COL5A2: variants seen among roughly 807,000 people sequenced by gnomAD.
COL5A2 encodes the protein collagen type V alpha 2 chain.
Under a neutral mutation model 208.2 loss-of-function variants are expected in COL5A2, and 23 were observed. The observed-to-expected ratio is 0.11, with a 90% CI of 0.08 to 0.16. The LOEUF (loss-of-function observed/expected upper bound fraction) is 0.16. COL5A2 is among the 10% of genes least tolerant of loss of function. The pLI, the probability that COL5A2 is intolerant of heterozygous loss-of-function variation, is 1.00. For missense variants in COL5A2, 1,590 were observed against 1,956.4 expected (o/e 0.81, Z 3.53); for synonymous variants, 625 against 628.5 (o/e 0.99, Z 0.08).
intron 1 of COL5A2, among the ~76,000 whole-genome samples, chr2:189,155,335 T>C (rs1192470545): frequency 6.9e-6 from 1 of 144,372 alleles, no homozygotes; most frequent in Non-Finnish European, 1.5e-5. Flanking sequence ...TCATTTATTT[T>C]ATAGCACATA....
intron 33 of COL5A2, 109 bp from the exon 34 acceptor site, chr2:189,057,536 CT>C: frequency 1.3e-6 from 1 of 779,316 alleles, no homozygotes; most frequent in Non-Finnish European, 2.2e-6. Context: ...TGTAGTTCAA[CT>C]TAGTGCTTAT....
chr2:189,110,921 A>G (rs1213206078), intron 1 of COL5A2, among the ~76,000 whole-genome samples: 1 of 152,200 alleles, frequency 6.6e-6, no homozygotes, highest in Non-Finnish European at 1.5e-5. Context: ...CATGTACCAT[A>G]GAAAAAAACT....
intron 8 of COL5A2, 82 bp from the exon 9 acceptor site, chr2:189,086,852 G>C: frequency 8.2e-7 from 1 of 1,226,130 alleles, no homozygotes; most frequent in Non-Finnish European, 1.2e-6. Flanking sequence ...ATCATCTCTA[G>C]AATCTGGAAA....
chr2:189,205,690 A>T (rs987117217), intron 1 of COL5A2, among the ~76,000 whole-genome samples: 2 of 152,234 alleles, frequency 1.3e-5, no homozygotes, highest in African/African-American at 4.8e-5. Context: ...CCTGGCCCAT[A>T]GTAAATGTCA....
chr2:189,062,723 G>T, intron 29 of COL5A2, 142 bp downstream of exon 29: 1 of 862,212 alleles, frequency 1.2e-6, no homozygotes, highest in Non-Finnish European at 1.9e-6. Flanking sequence ...CAAAAGAGAA[G>T]GTATAACAGA....
chr2:189,335,166 CAAACAGTTGT>C, the COL5A2 span, among the ~76,000 whole-genome samples: 1 of 151,954 alleles, frequency 6.6e-6, no homozygotes, highest in South Asian at 2.1e-4. Flanking sequence ...TGAGGGTAGT[CAAACAGTTGT>C]TGAACAAAAC....
At chr2:189,316,489 C>G in the COL5A2 span, among the ~76,000 whole-genome samples, 1 of 151,374 alleles carries the variant, frequency 6.6e-6, no homozygotes, top group African/African-American at 2.4e-5. Context: ...ATCTGCATGT[C>G]CTGAAGGAAA....
At chr2:189,324,643 C>T in the COL5A2 span, among the ~76,000 whole-genome samples, 65 of 152,234 alleles carry the variant, frequency 4.3e-4, no homozygotes, top group African/African-American at 1.5e-3. Flanking sequence ...GTTAGAATGG[C>T]GATCATTAAA....
At chr2:189,190,241 T>C in intron 1 of COL5A2, among the ~76,000 whole-genome samples, 1 of 152,204 alleles carries the variant, frequency 6.6e-6, no homozygotes, top group South Asian at 2.1e-4. Context: ...GAGGAACACC[T>C]GGATTTCATT....
chr2:189,212,300 G>A (rs946837017), intron 1 of COL5A2, among the ~76,000 whole-genome samples: 1 of 152,060 alleles, frequency 6.6e-6, no homozygotes, highest in East Asian at 1.9e-4. Context: ...GCAAATGAAT[G>A]AAAAAGGCCC....
chr2:189,311,990 A>G, the COL5A2 span: 1 of 749,668 alleles, frequency 1.3e-6, no homozygotes, highest in African/African-American at 1.7e-5. Flanking sequence ...TGTGGAGCCC[A>G]TGGATGTCAC....
intron 6 of COL5A2, among the ~76,000 whole-genome samples, chr2:189,093,264 C>A (rs1686826455): frequency 6.6e-6 from 1 of 152,136 alleles, no homozygotes; most frequent in Non-Finnish European, 1.5e-5. Flanking sequence ...GGCTCCTTAA[C>A]CCTAAAGAAT....
the COL5A2 span, among the ~76,000 whole-genome samples, chr2:189,356,418 A>C: frequency 1.3e-5 from 2 of 152,126 alleles, no homozygotes; most frequent in Non-Finnish European, 2.9e-5. Flanking sequence ...TATTTCTTGG[A>C]GGCTTTGTTT....
rs10203522 is a variant in COL5A2 at position 189,101,054 on chromosome 2, T to A, written c.337-915A>T. Among the ~76,000 whole-genome samples the A allele has an allele frequency of 3.8e-3, 579 of 152,192 alleles. 2 individuals are homozygous for A. The highest frequency in any genetic ancestry group is 0.013 in the African/African-American group (529 of 41,560). On this transcript the variant is annotated intron_variant, in intron 3 of 53. Coordinates refer to ENST00000374866, the MANE Select transcript of COL5A2 (RefSeq NM_000393.5). ...TGGTCTCCTCAAAGTCATGGTTGTG[T>A]CTTAGTCTACTTCACATGCTCAGCA...
the COL5A2 span, among the ~76,000 whole-genome samples, chr2:189,289,304 G>A: frequency 6.6e-6 from 1 of 151,840 alleles, no homozygotes; most frequent in Admixed American, 6.6e-5. Context: ...TTGTGCCACT[G>A]CACTCCAGCC....
At chr2:189,419,193 T>C in the COL5A2 span, among the ~76,000 whole-genome samples, 185 of 152,290 alleles carry the variant, frequency 1.2e-3, 1 homozygote, top group Non-Finnish European at 8.5e-4. Flanking sequence ...CTTTTCTTTC[T>C]CTCATAATCT....
intron 1 of COL5A2, among the ~76,000 whole-genome samples, chr2:189,204,144 G>A (rs142571446): frequency 0.037 from 5,676 of 152,188 alleles, 132 homozygotes; most frequent in South Asian, 0.049. Flanking sequence ...TGATCCGCCC[G>A]CCTCGGCCTC....
the COL5A2 span, among the ~76,000 whole-genome samples, chr2:189,380,008 T>C: frequency 2.0e-5 from 3 of 152,026 alleles, no homozygotes; most frequent in African/African-American, 7.2e-5. Flanking sequence ...TTAGAATATA[T>C]AACTCCTCTT....
chr2:189,336,874 T>TA, the COL5A2 span, among the ~76,000 whole-genome samples: 2 of 152,134 alleles, frequency 1.3e-5, no homozygotes, highest in Non-Finnish European at 2.9e-5. Flanking sequence ...TAAATAAACA[T>TA]AAAAAAACGT....
Sources: gnomAD v4.1 joint callset for allele counts (sites outside exome capture counted in the v4.1 genomes callset) on GRCh38, gnomAD v4.1.1 for gene constraint, MANE v1.5 for transcripts, NCBI Gene and HGNC (gene_info 2026-07-23, HGNC 2026-07-21) for gene names.